The following DCP2 variants were observed in gnomAD, a reference collection of about 807,000 sequenced individuals.
DCP2 encodes the protein decapping mRNA 2.
Under a neutral mutation model 56.1 loss-of-function variants are expected in DCP2, and 30 were observed. The ratio of observed to expected loss-of-function variants is 0.53; its 90% CI spans 0.40 to 0.73. The LOEUF is 0.73. Among genes scored for constraint, DCP2 ranks in the 30% least tolerant of loss-of-function variants. DCP2 has a pLI of 0.00. For synonymous variants in DCP2, 197 were observed against 163.3 expected (o/e 1.21, Z -1.57); for missense variants, 533 against 502.7 (o/e 1.06, Z -0.58).
intron 4 of DCP2, among the ~76,000 whole-genome samples, chr5:112,998,978 C>T (rs1446332181): frequency 6.6e-6 from 1 of 152,190 alleles, no homozygotes; most frequent in African/African-American, 2.4e-5. Context: ...AGTTCCCACC[C>T]ATTTGCCTAC....
chr5:113,000,157 A>G (rs1749086134), intron 4 of DCP2, among the ~76,000 whole-genome samples: 2 of 151,438 alleles, frequency 1.3e-5, no homozygotes. Flanking sequence ...ATGGAGTCCC[A>G]CTGTTGCCTA....
In DCP2 at chr5:113,017,868, G is replaced by A. The variant is rs771106407; in HGVS notation, c.*4384G>A. ...TACATATATATGTATCGCCATTATC[G>A]AGTGTTTTCTAGCCCTGGATAAAGT... On this transcript the variant is annotated 3_prime_UTR_variant, in exon 11 of 11. Transcript: ENST00000389063. 6 of 151,910 alleles carry A rather than the reference G, an allele frequency of 3.9e-5. No individual in the cohort carries two copies. Among genetic ancestry groups the A allele is most frequent in the Admixed American group, 2.0e-4 (3 of 15,240 alleles). The allele number at this position is 151,910 out of a possible 1,614,324, so 9.4% of individuals were successfully genotyped here.
At chr5:112,992,349 A>G (rs1748633218) in intron 3 of DCP2, 101 bp downstream of exon 3, 3 of 1,432,840 alleles carry the variant, frequency 2.1e-6, no homozygotes, top group Admixed American at 2.5e-5. Flanking sequence ...GTTTTAAAAT[A>G]TACTTAGATT....
At chr5:112,983,294 C>G (rs2150168452) in intron 1 of DCP2, among the ~76,000 whole-genome samples, 1 of 152,308 alleles carries the variant, frequency 6.6e-6, no homozygotes, top group South Asian at 2.1e-4. Flanking sequence ...CCACAAGTCC[C>G]TAAGGCAATA....
rs968380746 is a variant in DCP2, at chr5:113,020,214, C to G, written c.*6730C>G. On this transcript the variant is annotated 3_prime_UTR_variant, in exon 11 of 11. Transcript: ENST00000389063. ...TATTATGGTCAATGAAAAAACCAGACTTTAGAGTAAATGTGATAACCAAGT... is the reference window on the plus strand; with the variant it reads ...TATTATGGTCAATGAAAAAACCAGAGTTTAGAGTAAATGTGATAACCAAGT... The G allele has an allele frequency of 6.6e-6, 1 of 152,152 alleles. No individual in the cohort carries two copies. Among genetic ancestry groups the G allele is most frequent in the Non-Finnish European group, 1.5e-5 (1 of 68,020 alleles). 9.4% of individuals were successfully genotyped at this position (152,152 alleles called of 1,614,324 possible).
intron 4 of DCP2, among the ~76,000 whole-genome samples, chr5:112,998,734 G>C (rs898642461): frequency 3.9e-5 from 6 of 152,314 alleles, no homozygotes; most frequent in South Asian, 4.1e-4. Context: ...TATTACTTTC[G>C]ATAAATGTGT....
intron 2 of DCP2, among the ~76,000 whole-genome samples, chr5:112,988,520 G>A (rs554098847): frequency 0.011 from 1,279 of 113,382 alleles, 6 homozygotes; most frequent in Non-Finnish European, 0.018. Flanking sequence ...AAAAAAAAAT[G>A]GTATCCAAGA....
At chr5:113,003,757 C>G (rs560924816) in intron 7 of DCP2, among the ~76,000 whole-genome samples, 185 bp from the exon 8 acceptor site, 1 of 152,208 alleles carries the variant, frequency 6.6e-6, no homozygotes, top group Admixed American at 6.5e-5. Flanking sequence ...ATACCAGGCA[C>G]TCATCTGGGT....
chr5:112,993,154 C>T (rs961721048), intron 4 of DCP2, among the ~76,000 whole-genome samples: 9 of 152,122 alleles, frequency 5.9e-5, no homozygotes, highest in Non-Finnish European at 1.5e-5. Flanking sequence ...AAGAAGTTGA[C>T]ATTTGTTGCT....
Position 112,992,115 on chromosome 5 carries a change from T to A in DCP2, c.206-6T>A. 6.2e-7 allele frequency: 1 copy of A among 1,613,546 alleles called. No homozygotes were observed. The highest frequency in any genetic ancestry group is 8.5e-7 in the Non-Finnish European group (1 of 1,179,876). ...GAGAAAGTAACTTCCTTGACACTAT[T>A]TATACTCTTCAGTCATTGTCCGTTT... On this transcript the variant is annotated splice_region_variant and splice_polypyrimidine_tract_variant and intron_variant, in intron 2 of 10. Transcript: ENST00000389063.
intron 7 of DCP2, among the ~76,000 whole-genome samples, chr5:113,003,253 A>C (rs1749264364): frequency 6.6e-6 from 1 of 152,236 alleles, no homozygotes; most frequent in Non-Finnish European, 1.5e-5. Flanking sequence ...AGCCTGCATT[A>C]GTACAACATT....
intron 1 of DCP2, chr5:112,984,235 A>T (rs1580794563): frequency 6.6e-6 from 1 of 152,384 alleles, no homozygotes; most frequent in South Asian, 2.1e-4. Context: ...AAACTGATGG[A>T]TCTGAAAAGA....
chr5:113,016,084 AT>A lies in DCP2; in HGVS notation c.*2605del, dbSNP rs1749873641. 1 of 152,610 alleles carries A rather than the reference AT, an allele frequency of 6.6e-6. No homozygotes were observed. Among genetic ancestry groups the A allele is most frequent in the African/African-American group, 2.4e-5 (1 of 41,466 alleles). The allele number at this position is 152,610 out of a possible 1,614,324, so 9.5% of individuals were successfully genotyped here. Reference sequence around the variant, plus strand: ...AGGTGCAGTGCACTGTGAATCTTTTATTTTTAAAAAAATTTGTAGGTGCTTT... The same window carrying A: ...AGGTGCAGTGCACTGTGAATCTTTTATTTTAAAAAAATTTGTAGGTGCTTT... On this transcript the variant is annotated 3_prime_UTR_variant, in exon 11 of 11. Transcript: ENST00000389063.
At chr5:112,977,076 C>A in intron 1 of DCP2, 90 bp downstream of exon 1, 5 of 985,868 alleles carry the variant, frequency 5.1e-6, no homozygotes, top group Non-Finnish European at 5.7e-6. Context: ...TCCCCGCCCA[C>A]GTCCATGTCC....
rs557354534 is a variant in DCP2, at chr5:112,981,104, A to G, written c.53+4118A>G. 6.6e-5 allele frequency among the ~76,000 whole-genome samples: 10 copies of G among 152,010 alleles called. No individual in the cohort carries two copies. The East Asian group carries it at 1.5e-3, about 23-fold the overall frequency. Reference sequence around the variant, plus strand: ...GCTCACTGCAACTTCCAACTCCTGGACTCAAGCTATCCACTTGGCTCAGCC... The same window carrying G: ...GCTCACTGCAACTTCCAACTCCTGGGCTCAAGCTATCCACTTGGCTCAGCC... On this transcript the variant is annotated intron_variant, in intron 1 of 10. Transcript: ENST00000389063.
At chr5:113,004,118 C>A (rs1285785588) in intron 8 of DCP2, 41 bp downstream of exon 8, 2 of 1,589,906 alleles carry the variant, frequency 1.3e-6, no homozygotes, top group South Asian at 1.2e-5. Context: ...AAATTTAGAT[C>A]ATTTGGCTTT....
At position 112,976,851 on chromosome 5, in the gene DCP2, G is replaced by A. The variant is rs769073574; in HGVS notation, c.-83G>A. ...CGGCTTCCTCGGCTGCCAGCTCTCC[G>A]GCGAGCCGGAGTCCTAGTGCCGTAC... On this transcript the variant is annotated 5_prime_UTR_variant, in exon 1 of 11. Coordinates refer to ENST00000389063, the MANE Select transcript of DCP2 (RefSeq NM_152624.6). 44 of 1,461,400 alleles carry A rather than the reference G, an allele frequency of 3.0e-5. 1 individual carries two copies. In the South Asian group the frequency reaches 4.8e-4, roughly 16 times the overall value. 90.5% of individuals were successfully genotyped at this position (1,461,400 alleles called of 1,614,324 possible). A position where few individuals can be genotyped will look rare whatever the true frequency, so the allele number is the denominator to read the frequency against.
chr5:112,979,233 A>T (rs985059776), intron 1 of DCP2, among the ~76,000 whole-genome samples: 2 of 152,198 alleles, frequency 1.3e-5, no homozygotes, highest in African/African-American at 4.8e-5. Context: ...AGGATATGAT[A>T]TATTTAAAAA....
chr5:113,008,630 ATAATAG>A (rs762223927), intron 9 of DCP2, among the ~76,000 whole-genome samples: 7 of 152,124 alleles, frequency 4.6e-5, no homozygotes, highest in Non-Finnish European at 7.4e-5. Context: ...TTGGTGAGTA[ATAATAG>A]TAATTTCAAA....
Sources: allele counts gnomAD v4.1 joint callset (sites outside exome capture counted in the v4.1 genomes callset), GRCh38; gene constraint gnomAD v4.1.1; transcripts MANE v1.5; gene names NCBI Gene and HGNC (gene_info 2026-07-23, HGNC 2026-07-21).